TMEM139: variants seen among roughly 807,000 people sequenced by gnomAD.
TMEM139 encodes the protein transmembrane protein 139.
Under a neutral mutation model 15.9 loss-of-function variants are expected in TMEM139, and 9 were observed. That is an observed-to-expected ratio of 0.57 (90% confidence interval 0.34 to 0.99). The LOEUF (loss-of-function observed/expected upper bound fraction) is 0.99. Ranked by LOEUF, TMEM139 falls within the 50% of genes least tolerant of loss-of-function variation. The pLI, the probability that TMEM139 is intolerant of heterozygous loss-of-function variation, is 0.02. For synonymous variants in TMEM139, 95 were observed against 110.5 expected (o/e 0.86, Z 0.88); for missense variants, 270 against 267.7 (o/e 1.01, Z -0.06).
At position 143,286,498 on chromosome 7, in the gene TMEM139, A is replaced by G; in HGVS notation, c.320A>G (p.Glu107Gly). ...VGLESQCRPQ[E>G]LDQPPPYSTV... The stretch of plus-strand genomic sequence containing the variant: ...CTAGAATCCCAGTGCCGCCCCCAAG[A>G]GTTGGACCAACCACCCCCCTACAGC... The change falls in exon 3 of 3, where the codon GAG becomes GGG. Residue 107 changes from glutamate (E) to glycine (G), a missense_variant. Glu to Gly is a moderately conservative substitution (Grantham distance 98). Coordinates refer to ENST00000359333, the MANE Select transcript of TMEM139 (RefSeq NM_001282876.2). The G allele has an allele frequency of 6.3e-7, 1 of 1,597,036 alleles. No homozygotes were observed. The highest frequency in any genetic ancestry group is 1.1e-5 in the South Asian group (1 of 88,238).
Position 143,286,955 on chromosome 7 carries a change from C to T in TMEM139, c.*126C>T. 2 of 1,181,218 alleles carry T rather than the reference C, an allele frequency of 1.7e-6. No individual in the cohort carries two copies. The highest frequency in any genetic ancestry group is 2.4e-6 in the Non-Finnish European group (2 of 846,058). The allele number at this position is 1,181,218 out of a possible 1,614,324, so 73.2% of individuals were successfully genotyped here. A position where few individuals can be genotyped will look rare whatever the true frequency, so the allele number is the denominator to read the frequency against. On this transcript the variant is annotated 3_prime_UTR_variant, in exon 3 of 3. Transcript: ENST00000359333. ...GGACATCATAAATGGGGACTTGGAC[C>T]CTGAGGAGAGTCAGGCCACGGTAAG...
intron 2 of TMEM139, 95 bp downstream of exon 2, chr7:143,286,297 G>A (rs993475172): frequency 1.9e-6 from 3 of 1,571,478 alleles, no homozygotes; most frequent in African/African-American, 2.7e-5. Flanking sequence ...CTGGTTTCCT[G>A]TCATTGGCAT....
chr7:143,287,796 C>G lies in TMEM139; in HGVS notation c.*967C>G, dbSNP rs1406793403. The G allele has an allele frequency of 6.6e-6, 1 of 152,428 alleles. No homozygotes were observed. The highest frequency in any genetic ancestry group is 2.4e-5 in the African/African-American group (1 of 41,408). 9.4% of individuals were successfully genotyped at this position (152,428 alleles called of 1,614,324 possible). ...TTCTGCCTCACTCCTAAGCTCTGAC[C>G]GCTAGGCTTTCACCCCAGCCGCCGG... On this transcript the variant is annotated 3_prime_UTR_variant, in exon 3 of 3. Transcript: ENST00000359333.
Position 143,287,111 on chromosome 7 carries a change from GGAA to G in TMEM139, c.*287_*289del. The stretch of plus-strand genomic sequence containing the variant: ...GAGGTGATCCAGAGAAGGCGGAGAA[GGAA>G]GAAGTAACCTCTGAGTGGCGGCTAT... On this transcript the variant is annotated 3_prime_UTR_variant, in exon 3 of 3. Transcript: ENST00000359333. 1 of 326,148 alleles carries G rather than the reference GGAA, an allele frequency of 3.1e-6. No individual in the cohort carries two copies. The highest frequency in any genetic ancestry group is 5.6e-6 in the Non-Finnish European group (1 of 177,632). The allele number at this position is 326,148 out of a possible 1,614,324, so 20.2% of individuals were successfully genotyped here.
chr7:143,285,812 C>T lies in TMEM139; in HGVS notation c.-17-129C>T, dbSNP rs183233212. ...AATTTCGGAACTGGAGGGGACTCTA[C>T]AGATGATTTATTTGAGATTGAAGAA... On this transcript the variant is annotated intron_variant, in intron 1 of 2. Transcript: ENST00000359333. 2.6e-5 allele frequency: 34 copies of T among 1,302,072 alleles called. No individual in the cohort carries two copies. The Admixed American group carries it at 4.8e-4, about 18-fold the overall frequency. 80.7% of individuals were successfully genotyped at this position (1,302,072 alleles called of 1,614,324 possible).
chr7:143,285,903 T>C, intron 1 of TMEM139, 38 bp from the exon 2 acceptor site: 1 of 1,606,528 alleles, frequency 6.2e-7, no homozygotes, highest in Non-Finnish European at 8.5e-7. Flanking sequence ...TGACACCAAT[T>C]GCTAGTGTAG....
rs753805124 is a variant in TMEM139 at position 143,286,878 on chromosome 7, T to C, written c.*49T>C. 6.6e-7 allele frequency: 1 copy of C among 1,512,724 alleles called. No homozygotes were observed. The highest frequency in any genetic ancestry group is 8.9e-7 in the Non-Finnish European group (1 of 1,127,594). The allele number at this position is 1,512,724 out of a possible 1,614,324, so 93.7% of individuals were successfully genotyped here. On this transcript the variant is annotated 3_prime_UTR_variant, in exon 3 of 3. Transcript: ENST00000359333. ...CTCTCCACACCAGACCTCGTTCATT[T>C]GACTAACATTTTCCAGCGCCTACTA... is the stretch of plus-strand genomic sequence containing the variant.
chr7:143,286,282 A>C (rs1586441178), intron 2 of TMEM139, 80 bp downstream of exon 2: 1 of 1,585,078 alleles, frequency 6.3e-7, no homozygotes, highest in African/African-American at 1.4e-5. Flanking sequence ...TGAGGCAGAG[A>C]GTCTCTGGTT....
In TMEM139 at chr7:143,286,045, G is replaced by C. The variant is rs751450443; in HGVS notation, c.88G>C (p.Gly30Arg). The change falls in exon 2 of 3, where the codon GGC (glycine) becomes CGC (arginine). Residue 30 changes from glycine to arginine, a missense_variant. Coordinates refer to ENST00000359333, the MANE Select transcript of TMEM139 (RefSeq NM_001282876.2). ...ASFLLGLALLGIKTDITPVAY... is the reference protein window; with the variant it reads ...ASFLLGLALLRIKTDITPVAY... Reference sequence around the variant, plus strand: ...CTTCCTACTGGGGCTGGCTTTGCTGGGCATAAAGACGGACATCACCCCCGT... The same window carrying C: ...CTTCCTACTGGGGCTGGCTTTGCTGCGCATAAAGACGGACATCACCCCCGT... 1.2e-6 allele frequency: 2 copies of C among 1,614,110 alleles called. No individual in the cohort carries two copies. The highest frequency in any genetic ancestry group is 1.1e-5 in the South Asian group (1 of 91,080).
Position 143,287,162 on chromosome 7 carries a change from C to T in TMEM139, c.*333C>T, listed in dbSNP as rs765561009. On this transcript the variant is annotated 3_prime_UTR_variant, in exon 3 of 3. Coordinates refer to ENST00000359333, the MANE Select transcript of TMEM139 (RefSeq NM_001282876.2). ...TATTGCTTCTGTTCCAGGTGCTGTT[C>T]GAGCTGTTAGAACCCTTAGGCTTGA... 1.3e-5 allele frequency: 3 copies of T among 225,784 alleles called. No homozygotes were observed. Among genetic ancestry groups the T allele is most frequent in the Non-Finnish European group, 2.6e-5 (3 of 115,104 alleles). The allele number at this position is 225,784 out of a possible 1,614,324, so 14.0% of individuals were successfully genotyped here.
In TMEM139 at chr7:143,285,923, C is replaced by G; in HGVS notation, c.-17-18C>G. On this transcript the variant is annotated intron_variant, in intron 1 of 2. Coordinates refer to ENST00000359333, the MANE Select transcript of TMEM139 (RefSeq NM_001282876.2). ...CCAATTGCTAGTGTAGACACAATAG[C>G]TGTGTGTCTTTTTGCAGGAGCCTGG... 1 of 1,613,708 alleles carries G rather than the reference C, an allele frequency of 6.2e-7. No individual in the cohort carries two copies. The highest frequency in any genetic ancestry group is 1.1e-5 in the South Asian group (1 of 91,052).
At position 143,286,980 on chromosome 7, in the gene TMEM139, G is replaced by A; in HGVS notation, c.*151G>A. Reference sequence around the variant, plus strand: ...CCTGAGGAGAGTCAGGCCACGGTAAGCCCTTCCCAGCTGAGATATGGGTGG... The same window carrying A: ...CCTGAGGAGAGTCAGGCCACGGTAAACCCTTCCCAGCTGAGATATGGGTGG... On this transcript the variant is annotated 3_prime_UTR_variant, in exon 3 of 3. Coordinates refer to ENST00000359333, the MANE Select transcript of TMEM139 (RefSeq NM_001282876.2). 1.1e-6 allele frequency: 1 copy of A among 879,412 alleles called. No homozygotes were observed. The highest frequency in any genetic ancestry group is 1.8e-5 in the South Asian group (1 of 56,050). 54.5% of individuals were successfully genotyped at this position (879,412 alleles called of 1,614,324 possible). A position where few individuals can be genotyped will look rare whatever the true frequency, so the allele number is the denominator to read the frequency against.
rs1801353843 is a variant in TMEM139, at chr7:143,286,949, T to C, written c.*120T>C. The stretch of plus-strand genomic sequence containing the variant: ...CTGCCTGGACATCATAAATGGGGAC[T>C]TGGACCCTGAGGAGAGTCAGGCCAC... On this transcript the variant is annotated 3_prime_UTR_variant, in exon 3 of 3. Coordinates refer to ENST00000359333, the MANE Select transcript of TMEM139 (RefSeq NM_001282876.2). The C allele has an allele frequency of 1.6e-6, 2 of 1,238,234 alleles. No individual in the cohort carries two copies. Among genetic ancestry groups the C allele is most frequent in the Non-Finnish European group, 2.2e-6 (2 of 895,466 alleles). 76.7% of individuals were successfully genotyped at this position (1,238,234 alleles called of 1,614,324 possible).
chr7:143,286,802 T>C lies in TMEM139; in HGVS notation c.624T>C (p.Phe208=). The change falls in exon 3 of 3, where the codon TTT becomes TTC. Residue 208 remains phenylalanine (F), a synonymous_variant. Transcript: ENST00000359333. ...CFGHPDDDSV[F]YEDNWAPP Reference sequence around the variant, plus strand: ...GTCACCCTGATGATGATAGTGTTTTTTATGAGGACAACTGGGCACCCCCTT... The same window carrying C: ...GTCACCCTGATGATGATAGTGTTTTCTATGAGGACAACTGGGCACCCCCTT... The C allele has an allele frequency of 2.5e-6, 4 of 1,608,132 alleles. No homozygotes were observed. Among genetic ancestry groups the C allele is most frequent in the Non-Finnish European group, 3.4e-6 (4 of 1,175,348 alleles).
rs1356569979 is a variant in TMEM139, at chr7:143,286,528, T to C, written c.350T>C (p.Val117Ala). ...ELDQPPPYST[V>A]VIPPAPEEEQ... ...GACCAACCACCCCCCTACAGCACTG[T>C]TGTGATACCCCCAGCACCTGAGGAG... The change falls in exon 3 of 3, where the codon GTT (valine) becomes GCT (alanine). Residue 117 changes from valine (V) to alanine (A), a missense_variant. Val to Ala is a moderately conservative substitution (Grantham distance 64, BLOSUM62 0). Coordinates refer to ENST00000359333, the MANE Select transcript of TMEM139 (RefSeq NM_001282876.2). 1 of 1,571,338 alleles carries C rather than the reference T, an allele frequency of 6.4e-7. No individual in the cohort carries two copies. Among genetic ancestry groups the C allele is most frequent in the African/African-American group, 1.4e-5 (1 of 72,414 alleles).
At chr7:143,286,382 C>G in intron 2 of TMEM139, 42 bp from the exon 3 acceptor site, 1 of 1,522,604 alleles carries the variant, frequency 6.6e-7, no homozygotes, top group Non-Finnish European at 8.8e-7. Context: ...AAAAGGGCTT[C>G]TTTCATGGAA....
rs1246695261 is a variant in TMEM139 at position 143,286,496 on chromosome 7, A to G, written c.318A>G (p.Gln106=). The G allele has an allele frequency of 6.3e-7, 1 of 1,586,644 alleles. No homozygotes were observed. Among genetic ancestry groups the G allele is most frequent in the South Asian group, 1.2e-5 (1 of 86,858 alleles). ...GACTAGAATCCCAGTGCCGCCCCCA[A>G]GAGTTGGACCAACCACCCCCCTACA... The part of the protein sequence containing the change: ...VVGLESQCRP[Q]ELDQPPPYST... The change falls in exon 3 of 3, where the codon CAA becomes CAG. Residue 106 remains glutamine (Q), a synonymous_variant. Coordinates refer to ENST00000359333, the MANE Select transcript of TMEM139 (RefSeq NM_001282876.2).
At position 143,286,882 on chromosome 7, in the gene TMEM139, TAACA is replaced by T. The variant is rs1231866339; in HGVS notation, c.*54_*57del. 3.3e-6 allele frequency: 5 copies of T among 1,508,326 alleles called. No individual in the cohort carries two copies. Among genetic ancestry groups the T allele is most frequent in the Non-Finnish European group, 4.4e-6 (5 of 1,123,966 alleles). 93.4% of individuals were successfully genotyped at this position (1,508,326 alleles called of 1,614,324 possible). A position where few individuals can be genotyped will look rare whatever the true frequency, so the allele number is the denominator to read the frequency against. On this transcript the variant is annotated 3_prime_UTR_variant, in exon 3 of 3. Transcript: ENST00000359333. Reference sequence around the variant, plus strand: ...CCACACCAGACCTCGTTCATTTGACTAACATTTTCCAGCGCCTACTATGTGTCAG... The same window carrying T: ...CCACACCAGACCTCGTTCATTTGACTTTTTCCAGCGCCTACTATGTGTCAG...
chr7:143,286,718 G>A lies in TMEM139; in HGVS notation c.540G>A (p.Leu180=). The part of the protein sequence containing the change: ...AVSTAPDLQS[L]AAVPTLEPLT... ...CCACTGCTCCTGATCTGCAGAGCTT[G>A]GCGGCAGTCCCCACATTAGAGCCTC... Residue 180 remains leucine (L), a synonymous_variant, in exon 3 of 3, where the codon TTG becomes TTA. Transcript: ENST00000359333. 3 of 1,614,192 alleles carry A rather than the reference G, an allele frequency of 1.9e-6. No homozygotes were observed. Among genetic ancestry groups the A allele is most frequent in the Non-Finnish European group, 2.5e-6 (3 of 1,180,030 alleles).
Sources: gnomAD v4.1 joint callset for allele counts on GRCh38, gnomAD v4.1.1 for gene constraint, MANE v1.5 for transcripts, NCBI Gene and HGNC (gene_info 2026-07-23, HGNC 2026-07-21) for gene names.